The following ASPM variants were observed in gnomAD, a reference collection of about 807,000 sequenced individuals.
ASPM encodes abnormal spindle-like microcephaly-associated protein.
A neutral mutation model predicts 366.4 loss-of-function variants in ASPM; 256 were observed. The ratio of observed to expected loss-of-function variants is 0.70; its 90% CI spans 0.63 to 0.77. The LOEUF (loss-of-function observed/expected upper bound fraction) is 0.77, where lower values mean the gene tolerates loss of function less well. Ranked by LOEUF, ASPM falls within the 30% of genes least tolerant of loss-of-function variation. The probability of loss-of-function intolerance (pLI) is 0.00; values close to 1 mark genes in which losing one functional copy is unlikely to be tolerated. For synonymous variants in ASPM, 1,414 were observed against 1,342.9 expected, an observed-to-expected ratio of 1.05 and a Z score of -1.16; for missense variants, 4,146 against 4,090.4, an observed-to-expected ratio of 1.01 and a Z score of -0.37.
At position 197,101,513 on chromosome 1, in the gene ASPM, T is replaced by G; in HGVS notation, c.7738A>C (p.Thr2580Pro). Residue 2580 changes from threonine to proline, a missense_variant, in exon 18 of 28, where the codon ACA becomes CCA. This residue lies in a region of ASPM where 3,624 missense variants were observed against 3,591.7 expected (regional missense o/e 1.01). Transcript: ENST00000367409. ...YCFYQKLQWATKIIQEKYRAN... is the reference protein window; with the variant it reads ...YCFYQKLQWAPKIIQEKYRAN... Reference sequence around the variant, plus strand: ...CTATATTTTTCTTGTATGATTTTTGTAGCCCACTGAAGCTTTTGGTAGAAA... The same window carrying G: ...CTATATTTTTCTTGTATGATTTTTGGAGCCCACTGAAGCTTTTGGTAGAAA... The G allele has an allele frequency of 6.2e-7, 1 of 1,609,642 alleles. No homozygotes were observed. Among genetic ancestry groups the G allele is most frequent in the Non-Finnish European group, 8.5e-7 (1 of 1,179,058 alleles).
chr1:197,091,215 C>T (rs1315186273), intron 22 of ASPM, among the ~76,000 whole-genome samples, 174 bp from the exon 23 acceptor site: 1 of 134,038 alleles, frequency 7.5e-6, no homozygotes, highest in African/African-American at 2.5e-5. Context: ...CCTTTCCAGT[C>T]CATGTTGGGT....
In ASPM at chr1:197,093,093, T is replaced by C; in HGVS notation, c.9253A>G (p.Ile3085Val). Residue 3085 changes from isoleucine (I) to valine (V), a missense_variant, in exon 21 of 28, where the codon ATC (isoleucine) becomes GTC (valine). Around this residue, in one of 3 missense-constraint regions of ASPM, gnomAD observed 3,624 missense variants for 3,591.7 expected, o/e 1.01. Transcript: ENST00000367409. ...KYIEFKKSTVILQALVRGWLV... is the reference protein window; with the variant it reads ...KYIEFKKSTVVLQALVRGWLV... The stretch of plus-strand genomic sequence containing the variant: ...CAACCACGCACCAGTGCTTGTAGGA[T>C]AACTGTAGATTTTTTAAATTCAATA... 1 of 1,612,094 alleles carries C rather than the reference T, an allele frequency of 6.2e-7. No homozygotes were observed. Among genetic ancestry groups the C allele is most frequent in the African/African-American group, 1.3e-5 (1 of 74,964 alleles).
At position 197,146,163 on chromosome 1, in the gene ASPM, G is replaced by C. The variant is rs774724766; in HGVS notation, c.275C>G (p.Ser92Trp). 2 of 1,614,028 alleles carry C rather than the reference G, an allele frequency of 1.2e-6. No individual in the cohort carries two copies. The highest frequency in any genetic ancestry group is 2.2e-5 in the South Asian group (2 of 91,078). Reference protein sequence around the residue: ...FPAADLGFSVSQRCFVLQPKE... With the variant: ...FPAADLGFSVWQRCFVLQPKE... ...TACCTGCAACACGAAACAGCGCTGC[G>C]ACACACTGAAGCCCAGGTCCGCGGC... The change falls in exon 1 of 28, where the codon TCG (serine) becomes TGG (tryptophan). Residue 92 changes from serine (S) to tryptophan (W), a missense_variant. Ser to Trp is a radical substitution (Grantham distance 177). Transcript: ENST00000367409.
rs189918817 is a variant in ASPM, at chr1:197,104,849, C to T, written c.4402G>A (p.Ala1468Thr). 4.2e-4 allele frequency: 674 copies of T among 1,598,394 alleles called. No individual in the cohort carries two copies. Among genetic ancestry groups the T allele is most frequent in the Non-Finnish European group, 5.2e-4 (606 of 1,173,154 alleles). Reference protein sequence around the residue: ...LRKQAKEENSAIIIQSWYRMH... With the variant: ...LRKQAKEENSTIIIQSWYRMH... ...CTATACCATGATTGTATGATAATAG[C>T]AGAATTTTCTTCTTTAGCTTGTTTT... Residue 1468 changes from alanine (A) to threonine (T), a missense_variant, in exon 18 of 28, where the codon GCT becomes ACT. Coordinates refer to ENST00000367409, the MANE Select transcript of ASPM (RefSeq NM_018136.5).
At chr1:197,089,136 A>G (rs1323460141) in intron 25 of ASPM, among the ~76,000 whole-genome samples, 1 of 152,028 alleles carries the variant, frequency 6.6e-6, no homozygotes, top group Non-Finnish European at 1.5e-5. Flanking sequence ...AGTAAAGTAC[A>G]GAGAAGCTAA....
chr1:197,105,037 C>A lies in ASPM; in HGVS notation c.4214G>T (p.Arg1405Leu), dbSNP rs143092798. 3.1e-6 allele frequency: 5 copies of A among 1,610,242 alleles called. No individual in the cohort carries two copies. The highest frequency in any genetic ancestry group is 1.7e-4 in the Middle Eastern group (1 of 6,056). The change falls in exon 18 of 28, where the codon CGT becomes CTT. Residue 1405 changes from arginine (R) to leucine (L), a missense_variant. This residue lies in a region of ASPM where 3,624 missense variants were observed against 3,591.7 expected (regional missense o/e 1.01). Coordinates refer to ENST00000367409, the MANE Select transcript of ASPM (RefSeq NM_018136.5). Reference sequence around the variant, plus strand: ...ATCTTGTTTTCTTCTTAAATAAGCACGCCAATGCCTCTGAATTGTAACTGT... The same window carrying A: ...ATCTTGTTTTCTTCTTAAATAAGCAAGCCAATGCCTCTGAATTGTAACTGT... ...WATVTIQRHWRAYLRRKQDQQ... is the reference protein window; with the variant it reads ...WATVTIQRHWLAYLRRKQDQQ...
At chr1:197,094,564 C>A (rs1333057587) in intron 19 of ASPM, among the ~76,000 whole-genome samples, 2 of 151,656 alleles carry the variant, frequency 1.3e-5, no homozygotes, top group Non-Finnish European at 3.0e-5. Context: ...AGTCTTTGAG[C>A]AGACGGGAGG....
At chr1:197,128,765 T>C (rs200153543) in intron 9 of ASPM, 100 bp from the exon 10 acceptor site, 3 of 377,110 alleles carry the variant, frequency 8.0e-6, no homozygotes, top group Non-Finnish European at 1.4e-5. Flanking sequence ...AAAAATAAAA[T>C]AATATAAAAA....
rs1657225971 is a variant in ASPM at position 197,102,452 on chromosome 1, T to C, written c.6799A>G (p.Thr2267Ala). Residue 2267 changes from threonine to alanine, a missense_variant, in exon 18 of 28, where the codon ACT becomes GCT. This residue lies in a region of ASPM where 3,624 missense variants were observed against 3,591.7 expected (regional missense o/e 1.01). Transcript: ENST00000367409. ...GTTCTAAATCTCCTCTGAATGAGAGTTGCGGCTATATGCATCATTTTTAAA... is the reference window on the plus strand; with the variant it reads ...GTTCTAAATCTCCTCTGAATGAGAGCTGCGGCTATATGCATCATTTTTAAA... Reference protein sequence around the residue: ...RHLKMMHIAATLIQRRFRTLM... With the variant: ...RHLKMMHIAAALIQRRFRTLM... The C allele has an allele frequency of 1.2e-6, 2 of 1,612,508 alleles. No homozygotes were observed. The highest frequency in any genetic ancestry group is 1.7e-5 in the Admixed American group (1 of 59,776).
chr1:197,134,611 A>G (rs1571624094), intron 5 of ASPM, among the ~76,000 whole-genome samples: 2 of 152,214 alleles, frequency 1.3e-5, no homozygotes, highest in East Asian at 3.8e-4. Flanking sequence ...AGAGCTGCAC[A>G]AAAGTTAAGT....
chr1:197,137,702 A>G (rs1294281970), intron 4 of ASPM, among the ~76,000 whole-genome samples: 4 of 152,136 alleles, frequency 2.6e-5, no homozygotes, highest in Non-Finnish European at 5.9e-5. Flanking sequence ...GCAGGTCACA[A>G]ACTCCTGACC....
rs769655838 is a variant in ASPM at position 197,142,658 on chromosome 1, T to C, written c.1594A>G (p.Ile532Val). The C allele has an allele frequency of 6.2e-7, 1 of 1,612,644 alleles. No individual in the cohort carries two copies. Among genetic ancestry groups the C allele is most frequent in the Non-Finnish European group, 8.5e-7 (1 of 1,179,032 alleles). Residue 532 changes from isoleucine to valine, a missense_variant, in exon 3 of 28, where the codon ATA becomes GTA. Coordinates refer to ENST00000367409, the MANE Select transcript of ASPM (RefSeq NM_018136.5). ...TCTTCTTTTTCCTTTTGATTATTTA[T>C]TACTTTTTCATGTTCACCCACTGCA... ...NSAVGEHEKV[I>V]NNQKEKEDFH...
intron 10 of ASPM, among the ~76,000 whole-genome samples, chr1:197,127,191 C>G (rs1369457126): frequency 6.6e-6 from 1 of 152,058 alleles, no homozygotes; most frequent in South Asian, 2.1e-4. Flanking sequence ...CTAGTCGAAA[C>G]AAAGAAATTA....
At chr1:197,139,667 G>A in intron 4 of ASPM, 100 bp downstream of exon 4, 1 of 947,134 alleles carries the variant, frequency 1.1e-6, no homozygotes. Flanking sequence ...CTTCCAGGCT[G>A]TTATTCAACA....
At chr1:197,136,707 TAAC>T (rs775654805) in intron 4 of ASPM, among the ~76,000 whole-genome samples, 36 of 151,916 alleles carry the variant, frequency 2.4e-4, no homozygotes, top group Non-Finnish European at 4.1e-4. Flanking sequence ...TAAAAGAAGT[TAAC>T]AACTGAGAAA....
intron 3 of ASPM, among the ~76,000 whole-genome samples, chr1:197,141,263 A>G (rs548246590): frequency 3.9e-5 from 6 of 152,260 alleles, no homozygotes; most frequent in African/African-American, 1.4e-4. Context: ...TATGAATAAA[A>G]TTTTACTGAA....
intron 7 of ASPM, among the ~76,000 whole-genome samples, chr1:197,131,618 G>A (rs912326689): frequency 6.6e-6 from 1 of 151,078 alleles, no homozygotes; most frequent in Non-Finnish European, 1.5e-5. Context: ...GAGTGCAGTC[G>A]TGCGATCTCG....
chr1:197,094,431 T>C (rs374844039), intron 19 of ASPM, among the ~76,000 whole-genome samples: 13 of 151,744 alleles, frequency 8.6e-5, no homozygotes, highest in African/African-American at 3.1e-4. Context: ...GATTCTAATA[T>C]GGCACAGAAT....
chr1:197,128,747 G>A, intron 9 of ASPM, 82 bp from the exon 10 acceptor site: 1 of 1,070,210 alleles, frequency 9.3e-7, no homozygotes, highest in Non-Finnish European at 1.3e-6. Context: ...AAATCATTCT[G>A]TACATATAAA....
Sources: gnomAD v4.1 joint callset for allele counts (sites outside exome capture counted in the v4.1 genomes callset) on GRCh38, gnomAD v4.1.1 for gene constraint, gnomAD v4.1.1 regional missense constraint, MANE v1.5 for transcripts, NCBI Gene and HGNC (gene_info 2026-07-23, HGNC 2026-07-21) for gene names.